The following ALMS1 variants were observed in gnomAD, a reference collection of about 807,000 sequenced individuals.
ALMS1 encodes centrosome-associated protein ALMS1.
ALMS1 carries 271 observed loss-of-function variants against 352.2 expected under a neutral mutation model. The observed-to-expected ratio is 0.77, with a 90% confidence interval of 0.70 to 0.85. The LOEUF (loss-of-function observed/expected upper bound fraction) is 0.85. Among genes scored for constraint, ALMS1 ranks in the 40% least tolerant of loss-of-function variants. ALMS1 has a pLI of 0.00. For synonymous variants in ALMS1, 1,865 were observed against 1,761.2 expected (o/e 1.06, Z -1.48); for missense variants, 5,445 against 4,870.7 (o/e 1.12, Z -3.51).
At chr2:73,433,444 A>G (rs1671550078) in intron 7 of ALMS1, among the ~76,000 whole-genome samples, 1 of 151,920 alleles carries the variant, frequency 6.6e-6, no homozygotes, top group African/African-American at 2.4e-5. Flanking sequence ...AGTTGATTAG[A>G]TGAGGTGGGA....
chr2:73,519,857 A>C lies in ALMS1; in HGVS notation c.9622A>C (p.Ser3208Arg), dbSNP rs777802089. 6.2e-7 allele frequency: 1 copy of C among 1,613,986 alleles called. No homozygotes were observed. Among genetic ancestry groups the C allele is most frequent in the Non-Finnish European group, 8.5e-7 (1 of 1,179,972 alleles). The change falls in exon 11 of 23, where the codon AGT becomes CGT. Residue 3208 changes from serine (S) to arginine (R), a missense_variant. By Grantham distance (110) the Ser-to-Arg change is moderately radical (BLOSUM62 -1). Transcript: ENST00000613296. ...TGCAGTCACTCAGATAACAACAGAAAGTCCAGAAAAGACCCTATTTTCATC... is the reference window on the plus strand; with the variant it reads ...TGCAGTCACTCAGATAACAACAGAACGTCCAGAAAAGACCCTATTTTCATC... ...SDAVTQITTE[S>R]PEKTLFSSEI... is the part of the protein sequence containing the mutation.
intron 7 of ALMS1, among the ~76,000 whole-genome samples, chr2:73,439,265 A>C (rs1419939425): frequency 9.3e-5 from 14 of 150,180 alleles, no homozygotes; most frequent in African/African-American, 1.5e-4. Flanking sequence ...ATAAATGCAC[A>C]CTAATATGCC....
chr2:73,429,340 G>T (rs1671456557), intron 6 of ALMS1, among the ~76,000 whole-genome samples: 1 of 142,548 alleles, frequency 7.0e-6, no homozygotes, highest in Non-Finnish European at 1.5e-5. Context: ...GGAGTGCAAT[G>T]GCACAATCTC....
intron 10 of ALMS1, among the ~76,000 whole-genome samples, chr2:73,508,119 T>C (rs1673371999): frequency 6.6e-6 from 1 of 151,178 alleles, no homozygotes; most frequent in Non-Finnish European, 1.5e-5. Flanking sequence ...TTTTCTCTTT[T>C]CTTTTCCTTT....
At chr2:73,488,990 C>T (rs1305173945) in intron 9 of ALMS1, among the ~76,000 whole-genome samples, 5 of 152,032 alleles carry the variant, frequency 3.3e-5, no homozygotes, top group African/African-American at 4.8e-5. Flanking sequence ...TATTTTTTCA[C>T]GTCATTGTTC....
At chr2:73,485,178 G>T (rs999848909) in intron 9 of ALMS1, among the ~76,000 whole-genome samples, 1 of 152,194 alleles carries the variant, frequency 6.6e-6, no homozygotes, top group Non-Finnish European at 1.5e-5. Flanking sequence ...CAGTTTTTCT[G>T]CTCTGTTTTT....
At chr2:73,596,921 A>G (rs1675565475) in intron 16 of ALMS1, among the ~76,000 whole-genome samples, 1 of 105,600 alleles carries the variant, frequency 9.5e-6, no homozygotes, top group East Asian at 2.8e-4. Context: ...GGTCCTTGCC[A>G]TTTCTATATA....
chr2:73,436,857 G>T (rs984732501), intron 7 of ALMS1, among the ~76,000 whole-genome samples: 1 of 152,020 alleles, frequency 6.6e-6, no homozygotes, highest in African/African-American at 2.4e-5. Flanking sequence ...ATTGTTACTG[G>T]CTAAGCCCAA....
intron 1 of ALMS1, among the ~76,000 whole-genome samples, chr2:73,390,352 CA>C (rs745922307): frequency 9.9e-5 from 15 of 152,030 alleles, no homozygotes; most frequent in Non-Finnish European, 1.9e-4. Flanking sequence ...AGGATGAGAT[CA>C]AATAATAGGA....
At chr2:73,510,312 A>C (rs1673422707) in intron 10 of ALMS1, among the ~76,000 whole-genome samples, 1 of 152,150 alleles carries the variant, frequency 6.6e-6, no homozygotes, top group Non-Finnish European at 1.5e-5. Context: ...TGGAATTTTC[A>C]GCCTTTTTGC....
rs920714816 is a variant in ALMS1 at position 73,490,489 on chromosome 2, C to T, written c.8530C>T (p.Leu2844Phe). Residue 2844 changes from leucine to phenylalanine, a missense_variant, in exon 10 of 23, where the codon CTT becomes TTT. Coordinates refer to ENST00000613296, the MANE Select transcript of ALMS1 (RefSeq NM_001378454.1). The part of the protein sequence containing the change: ...KEIQISDNHT[L>F]ISMGRPSSTL... ...AATTCAGATTTCTGATAACCATACC[C>T]TTATTAGCATGGGCAGACCAAGTTC... 27 of 1,614,022 alleles carry T rather than the reference C, an allele frequency of 1.7e-5. No homozygotes were observed. In the African/African-American group the frequency reaches 2.3e-4, roughly 14 times the overall value.
chr2:73,399,230 A>G (rs1236895733), intron 1 of ALMS1, among the ~76,000 whole-genome samples: 1 of 151,874 alleles, frequency 6.6e-6, no homozygotes, highest in African/African-American at 2.4e-5. Flanking sequence ...TGTACCTTTT[A>G]TTTCCTTTTC....
At position 73,451,070 on chromosome 2, in the gene ALMS1, G is replaced by A. The variant is rs183839621; in HGVS notation, c.4543G>A (p.Ala1515Thr). 263 of 1,610,288 alleles carry A rather than the reference G, an allele frequency of 1.6e-4. 7 individuals are homozygous for A. The South Asian group carries it at 1.9e-3, about 12-fold the overall frequency. ...APGPVGQTTG[A>T]PTITSPSYSQ... Reference sequence around the variant, plus strand: ...TGGACCAGTTGGCCAGACAACTGGCGCACCAACTATAACCTCTCCTTCCTA... The same window carrying A: ...TGGACCAGTTGGCCAGACAACTGGCACACCAACTATAACCTCTCCTTCCTA... Residue 1515 changes from alanine to threonine, a missense_variant, in exon 8 of 23, where the codon GCA becomes ACA. Coordinates refer to ENST00000613296, the MANE Select transcript of ALMS1 (RefSeq NM_001378454.1).
In ALMS1 at chr2:73,563,734, A is replaced by T. The variant is rs536105468; in HGVS notation, c.10384+4592A>T. Among the ~76,000 whole-genome samples the T allele has an allele frequency of 4.1e-3, 589 of 144,506 alleles. 7 individuals carry two copies. The highest frequency in any genetic ancestry group is 0.012 in the South Asian group (58 of 4,648). The allele number at this position is 144,506 out of a possible 152,430, so 94.8% of individuals were successfully genotyped here. On this transcript the variant is annotated intron_variant, in intron 15 of 22. Coordinates refer to ENST00000613296, the MANE Select transcript of ALMS1 (RefSeq NM_001378454.1). Reference sequence around the variant, plus strand: ...CGAGACTCCATCTCAAAAAAAAAAAAAAAAAATAAAAATAAAAAATGAAGG... The same window carrying T: ...CGAGACTCCATCTCAAAAAAAAAAATAAAAAATAAAAATAAAAAATGAAGG...
chr2:73,522,355 C>T (rs1558680088), intron 11 of ALMS1, among the ~76,000 whole-genome samples: 3 of 151,976 alleles, frequency 2.0e-5, no homozygotes, highest in Admixed American at 6.6e-5. Context: ...ACAATAACTA[C>T]GGGAACGACC....
At chr2:73,387,409 T>A (rs2103622093) in intron 1 of ALMS1, among the ~76,000 whole-genome samples, 1 of 152,320 alleles carries the variant, frequency 6.6e-6, no homozygotes, top group South Asian at 2.1e-4. Flanking sequence ...TAAGATAATC[T>A]GGCCTTGTCA....
At chr2:73,414,453 T>TA (rs1283147613) in intron 2 of ALMS1, among the ~76,000 whole-genome samples, 1 of 150,610 alleles carries the variant, frequency 6.6e-6, no homozygotes, top group Non-Finnish European at 1.5e-5. Flanking sequence ...TTTAAATAGA[T>TA]ATGTCATTTC....
intron 2 of ALMS1, among the ~76,000 whole-genome samples, chr2:73,415,821 C>T (rs1277757140): frequency 1.3e-5 from 2 of 152,032 alleles, no homozygotes; most frequent in Admixed American, 6.6e-5. Flanking sequence ...GGGAGAAAAA[C>T]GCAAGAAAGT....
At chr2:73,413,770 A>T (rs1346654798) in intron 2 of ALMS1, among the ~76,000 whole-genome samples, 1 of 152,218 alleles carries the variant, frequency 6.6e-6, no homozygotes, top group African/African-American at 2.4e-5. Context: ...ACATATGAAT[A>T]TGTAATTGTT....
Sources: allele counts gnomAD v4.1 joint callset (sites outside exome capture counted in the v4.1 genomes callset), GRCh38; gene constraint gnomAD v4.1.1; transcripts MANE v1.5; gene names NCBI Gene and HGNC (gene_info 2026-07-23, HGNC 2026-07-21).